The following AMZ1 variants were observed in gnomAD, a reference collection of about 807,000 sequenced individuals.
The protein encoded by AMZ1 is archaemetzincin-1.
In AMZ1, 39 loss-of-function variants were observed where a neutral mutation model predicts 29.9. That is an observed-to-expected ratio of 1.30 (90% CI 1.01 to 1.70). The LOEUF (loss-of-function observed/expected upper bound fraction) is 1.70, where lower values mean the gene tolerates loss of function less well. AMZ1 is among the 40% of genes most tolerant of loss of function. The pLI is 0.00. For missense variants in AMZ1, 1,041 were observed against 680.6 expected (o/e 1.53, Z -5.89); for synonymous variants, 458 against 304.0 (o/e 1.51, Z -5.27).
At chr7:2,709,331 C>T (rs979712957) in intron 5 of AMZ1, 87 bp downstream of exon 5, 1 of 1,334,956 alleles carries the variant, frequency 7.5e-7, no homozygotes, top group East Asian at 2.5e-5. Context: ...CTGCCCCATC[C>T]TCACAGTGAA....
In AMZ1 at chr7:2,743,994, A is replaced by T. The variant is rs576202119; in HGVS notation, n.551-20718A>T. On this transcript the variant is annotated intron_variant and non_coding_transcript_variant, in intron 4 of 4. Transcript: ENST00000489665. ...GGGAGGGGTACCCACCATTGCCGAG[A>T]CTTGATTAGGTAAACAAAGCAGCCG... Among the ~76,000 whole-genome samples the T allele has an allele frequency of 2.0e-4, 30 of 152,306 alleles. No homozygotes were observed. The South Asian group carries it at 6.0e-3, about 31-fold the overall frequency.
At position 2,737,449 on chromosome 7, in the gene AMZ1, C is replaced by T. The variant is rs186358043; in HGVS notation, n.551-27263C>T. Among the ~76,000 whole-genome samples, 267 of 152,012 alleles carry T rather than the reference C, an allele frequency of 1.8e-3. 1 individual carries two copies. Among genetic ancestry groups the T allele is most frequent in the Admixed American group, 5.1e-3 (78 of 15,262 alleles). On this transcript the variant is annotated intron_variant and non_coding_transcript_variant, in intron 4 of 4. Transcript: ENST00000489665. ...GACTACAGGCGTGCACTACCACACC[C>T]GGCTAACTTTTGTATTTTTAGTAGA...
At chr7:2,691,079 G>C (rs1335077744) in intron 1 of AMZ1, among the ~76,000 whole-genome samples, 3 of 144,560 alleles carry the variant, frequency 2.1e-5, no homozygotes, top group Non-Finnish European at 3.0e-5. Flanking sequence ...AGGAGAAGGA[G>C]GTTGCAGTGA....
intron 3 of AMZ1, among the ~76,000 whole-genome samples, chr7:2,703,208 G>C (rs1267097370): frequency 6.6e-6 from 1 of 152,076 alleles, no homozygotes; most frequent in African/African-American, 2.4e-5. Context: ...GTGCCGTGGC[G>C]CGATCTCGGC....
chr7:2,722,803 T>C (rs1014592276), downstream of AMZ1, among the ~76,000 whole-genome samples: 2 of 152,068 alleles, frequency 1.3e-5, no homozygotes. Context: ...TGAGACTCCA[T>C]CTCTATACAA....
At chr7:2,752,759 T>C (rs538970650) in intron 4 of AMZ1, among the ~76,000 whole-genome samples, 20 of 152,324 alleles carry the variant, frequency 1.3e-4, no homozygotes, top group South Asian at 4.1e-4. Flanking sequence ...GAAATAATTA[T>C]AGATGCATAG....
chr7:2,694,279 G>A (rs775180778), intron 1 of AMZ1, among the ~76,000 whole-genome samples: 1 of 152,168 alleles, frequency 6.6e-6, no homozygotes, highest in African/African-American at 2.4e-5. Context: ...CTGGAGCTGG[G>A]ACATGTCATC....
chr7:2,731,134 C>A lies in AMZ1; in HGVS notation n.550+21318C>A. The A allele has an allele frequency of 7.6e-7, 1 of 1,315,228 alleles. No individual in the cohort carries two copies. 81.5% of individuals were successfully genotyped at this position (1,315,228 alleles called of 1,614,324 possible). A position where few individuals can be genotyped will look rare whatever the true frequency, so the allele number is the denominator to read the frequency against. On this transcript the variant is annotated intron_variant and non_coding_transcript_variant, in intron 4 of 4. Coordinates refer to the AMZ1 transcript ENST00000489665. The surrounding 1 kb of genome is among the most constrained non-coding windows in gnomAD (Gnocchi z 6.0). Reference sequence around the variant, plus strand: ...AACACACACCCAAGAGTCTGACCGACAGCCGTGGGGGCTGCTCAACGACGA... The same window carrying A: ...AACACACACCCAAGAGTCTGACCGAAAGCCGTGGGGGCTGCTCAACGACGA...
Position 2,700,575 on chromosome 7 carries a change from C to G in AMZ1, c.124C>G (p.Leu42Val). ...YVSAFSPAER[L>V]FLAEAYNPQR... ...GTCCGCCTTCTCCCCTGCCGAGCGGCTCTTCCTGGCCGAGGCCTACAACCC... is the reference window on the plus strand; with the variant it reads ...GTCCGCCTTCTCCCCTGCCGAGCGGGTCTTCCTGGCCGAGGCCTACAACCC... Residue 42 changes from leucine (L) to valine (V), a missense_variant, in exon 2 of 7, where the codon CTC becomes GTC. Leu to Val is a conservative substitution (Grantham distance 32). Transcript: ENST00000683327. The G allele has an allele frequency of 6.2e-7, 1 of 1,610,348 alleles. No homozygotes were observed. The highest frequency in any genetic ancestry group is 8.5e-7 in the Non-Finnish European group (1 of 1,179,950).
intron 2 of AMZ1, among the ~76,000 whole-genome samples, chr7:2,701,323 C>T (rs1448505162): frequency 1.3e-5 from 2 of 152,138 alleles, no homozygotes; most frequent in Non-Finnish European, 2.9e-5. Context: ...GTCCCTTGAC[C>T]TGTGTGACTG....
chr7:2,734,010 C>A (rs1460000016), intron 4 of AMZ1, among the ~76,000 whole-genome samples: 1 of 152,244 alleles, frequency 6.6e-6, no homozygotes. Context: ...GTCCATTATT[C>A]CTTCCCACAT....
rs1355873013 is a variant in AMZ1, at chr7:2,717,574, A to AGCAGCAGCAAATTTATGGCTCTT, written c.*4698_*4720dup. On this transcript the variant is annotated 3_prime_UTR_variant, in exon 7 of 7. Transcript: ENST00000683327. ...GGTGCCCAGTTTCAAGGAAACCTAAAGCAGCAGCAAATTTATGGCTCTTGG... is the reference window on the plus strand; with the variant it reads ...GGTGCCCAGTTTCAAGGAAACCTAAAGCAGCAGCAAATTTATGGCTCTTGCAGCAGCAAATTTATGGCTCTTGG... Among the ~76,000 whole-genome samples the AGCAGCAGCAAATTTATGGCTCTT allele has an allele frequency of 6.6e-6, 1 of 152,226 alleles. No homozygotes were observed. The highest frequency in any genetic ancestry group is 2.4e-5 in the African/African-American group (1 of 41,462).
intron 3 of AMZ1, among the ~76,000 whole-genome samples, chr7:2,707,884 C>T (rs1315944159): frequency 6.7e-5 from 9 of 133,956 alleles, no homozygotes; most frequent in African/African-American, 8.7e-5. Context: ...AGGGCAGTGG[C>T]GTGATGTCAG....
Position 2,700,390 on chromosome 7 carries a change from C to A in AMZ1, c.-62C>A. On this transcript the variant is annotated 5_prime_UTR_variant, in exon 2 of 7. Transcript: ENST00000683327. ...ATTCTGGACGAGACCGTGGCCGTCCCCCGGGTGGCCCATGGACAGCAGCAG... is the reference window on the plus strand; with the variant it reads ...ATTCTGGACGAGACCGTGGCCGTCCACCGGGTGGCCCATGGACAGCAGCAG... 2 of 1,545,594 alleles carry A rather than the reference C, an allele frequency of 1.3e-6. No individual in the cohort carries two copies. The highest frequency in any genetic ancestry group is 1.7e-6 in the Non-Finnish European group (2 of 1,149,204).
chr7:2,729,382 C>T (rs975176916), intron 4 of AMZ1: 8 of 152,412 alleles, frequency 5.2e-5, no homozygotes, highest in Non-Finnish European at 1.2e-4. Context: ...TCTCCGGTCA[C>T]ATCCGTGAGG....
chr7:2,734,253 G>A (rs960339900), intron 4 of AMZ1, among the ~76,000 whole-genome samples: 1 of 152,184 alleles, frequency 6.6e-6, no homozygotes, highest in Admixed American at 6.5e-5. Context: ...CGCAACCACC[G>A]ACCACAGAGC....
chr7:2,720,525 T>G (rs926188915), downstream of AMZ1, among the ~76,000 whole-genome samples: 1 of 152,006 alleles, frequency 6.6e-6, no homozygotes, highest in Non-Finnish European at 1.5e-5. Context: ...TGTCTCAGCC[T>G]CCCAAGTAGC....
intron 1 of AMZ1, among the ~76,000 whole-genome samples, chr7:2,697,377 G>A (rs889048152): frequency 2.0e-5 from 3 of 152,056 alleles, no homozygotes; most frequent in Admixed American, 2.0e-4. Context: ...GATTACAGGC[G>A]TGAGCTGCTG....
upstream of AMZ1, among the ~76,000 whole-genome samples, chr7:2,762,009 C>G (rs1010566695): frequency 5.9e-5 from 9 of 152,250 alleles, no homozygotes; most frequent in African/African-American, 2.2e-4. Flanking sequence ...CCTCCCAGCA[C>G]TCACACAGAA....
Sources: allele counts gnomAD v4.1 joint callset (sites outside exome capture counted in the v4.1 genomes callset), GRCh38; gene constraint gnomAD v4.1.1; non-coding constraint Gnocchi (gnomAD v3.1); transcripts MANE v1.5; gene names NCBI Gene and HGNC (gene_info 2026-07-23, HGNC 2026-07-21).